HPSE2: variants seen among roughly 807,000 people sequenced by gnomAD.
HPSE2 encodes inactive heparanase-2.
A neutral mutation model predicts 60.5 loss-of-function variants in HPSE2; 38 were observed. The observed-to-expected ratio is 0.63, with a 90% CI of 0.48 to 0.82. The LOEUF is 0.82. HPSE2 is among the 40% of genes least tolerant of loss of function. HPSE2 has a pLI of 0.00. For missense variants in HPSE2, 713 were observed against 740.4 expected (o/e 0.96, Z 0.43); for synonymous variants, 295 against 293.2 (o/e 1.01, Z -0.06).
chr10:99,285,157 T>C, the HPSE2 span, among the ~76,000 whole-genome samples: 1 of 151,714 alleles, frequency 6.6e-6, no homozygotes, highest in African/African-American at 2.4e-5. Context: ...TGGGCTGAGG[T>C]AGTGGTTCAT....
intron 3 of HPSE2, among the ~76,000 whole-genome samples, chr10:98,762,924 A>C (rs115935362): frequency 0.014 from 2,109 of 152,304 alleles, 44 homozygotes; most frequent in African/African-American, 0.047. Flanking sequence ...AAGACTTGAA[A>C]GCAGCCAGTA....
intron 3 of HPSE2, among the ~76,000 whole-genome samples, chr10:99,045,922 G>A (rs1957844585): frequency 6.6e-6 from 1 of 152,096 alleles, no homozygotes; most frequent in African/African-American, 2.4e-5. Flanking sequence ...AGAAGAACTG[G>A]TAGCAATCCT....
intron 3 of HPSE2, among the ~76,000 whole-genome samples, chr10:99,129,938 A>G (rs1261590750): frequency 6.6e-6 from 1 of 152,096 alleles, no homozygotes; most frequent in Non-Finnish European, 1.5e-5. Context: ...TAGAAATGGG[A>G]TGGGAGATAT....
At chr10:99,244,880 C>T in the HPSE2 span, among the ~76,000 whole-genome samples, 1,609 of 151,774 alleles carry the variant, frequency 0.011, 10 homozygotes, top group Non-Finnish European at 0.018. Context: ...ACATCTAGAC[C>T]CCTAATTCTT....
intron 9 of HPSE2, among the ~76,000 whole-genome samples, chr10:98,597,532 G>A (rs1366253204): frequency 6.6e-6 from 1 of 151,718 alleles, no homozygotes; most frequent in African/African-American, 2.4e-5. Context: ...ATAGCCGGAT[G>A]TGGTGGCATG....
chr10:98,947,344 A>G (rs1026009245), intron 3 of HPSE2, among the ~76,000 whole-genome samples: 3 of 152,176 alleles, frequency 2.0e-5, no homozygotes, highest in Non-Finnish European at 2.9e-5. Flanking sequence ...TTAGAGAAAA[A>G]GCAAGGACAT....
chr10:99,188,094 C>T (rs770200798), intron 2 of HPSE2, among the ~76,000 whole-genome samples: 11 of 152,130 alleles, frequency 7.2e-5, no homozygotes, highest in Non-Finnish European at 2.9e-5. Context: ...TTGATACCCA[C>T]GATGGGTCCT....
At chr10:99,092,494 TCA>T (rs926072932) in intron 3 of HPSE2, among the ~76,000 whole-genome samples, 14 of 152,282 alleles carry the variant, frequency 9.2e-5, no homozygotes, top group African/African-American at 3.1e-4. Flanking sequence ...AATAGAAATT[TCA>T]CAGAGAAGAA....
intron 3 of HPSE2, among the ~76,000 whole-genome samples, chr10:98,956,426 T>G (rs113809213): frequency 6.6e-6 from 1 of 152,140 alleles, no homozygotes; most frequent in Non-Finnish European, 1.5e-5. Context: ...TAACAGTGGA[T>G]TAAGTAAGAT....
intron 3 of HPSE2, among the ~76,000 whole-genome samples, chr10:99,014,574 G>A (rs902340938): frequency 6.6e-6 from 1 of 152,168 alleles, no homozygotes; most frequent in Admixed American, 6.5e-5. Flanking sequence ...CCCACAAACA[G>A]TGTATAAGTG....
chr10:99,309,080 A>G, the HPSE2 span, among the ~76,000 whole-genome samples: 1 of 152,208 alleles, frequency 6.6e-6, no homozygotes, highest in Non-Finnish European at 1.5e-5. Context: ...CAGATACAAA[A>G]GACCACACAT....
At chr10:99,171,533 T>C (rs973490670) in intron 2 of HPSE2, among the ~76,000 whole-genome samples, 3 of 152,042 alleles carry the variant, frequency 2.0e-5, no homozygotes, top group African/African-American at 7.2e-5. Context: ...TATCCCAATA[T>C]CAAGAGGACC....
At chr10:98,695,894 G>A (rs1026710209) in intron 5 of HPSE2, among the ~76,000 whole-genome samples, 2 of 152,038 alleles carry the variant, frequency 1.3e-5, no homozygotes, top group African/African-American at 2.4e-5. Flanking sequence ...CTCCTGTCAC[G>A]TGCTATCCTG....
chr10:98,496,962 C>T (rs926552205), intron 9 of HPSE2, among the ~76,000 whole-genome samples: 1 of 151,402 alleles, frequency 6.6e-6, no homozygotes, highest in Non-Finnish European at 1.5e-5. Context: ...TTAGTAAGTC[C>T]TTCCTCATAT....
chr10:99,117,417 G>GAAAAAAAAAAAAAAAAAAAAA (rs1157232317), intron 3 of HPSE2, among the ~76,000 whole-genome samples: 5 of 24,816 alleles, frequency 2.0e-4, no homozygotes, highest in African/African-American at 2.6e-4. Flanking sequence ...TTGTTTTTTT[G>GAAAAAAAAAAAAAAAAAAAAA]AAAAAAAAAA....
chr10:98,672,786 C>T (rs1186663235), intron 6 of HPSE2, among the ~76,000 whole-genome samples: 2 of 152,122 alleles, frequency 1.3e-5, no homozygotes, highest in Non-Finnish European at 1.5e-5. Flanking sequence ...CTTGAAATCA[C>T]ACAGGTGCAT....
intron 5 of HPSE2, among the ~76,000 whole-genome samples, chr10:98,710,518 A>G (rs1162114568): frequency 6.6e-6 from 1 of 152,188 alleles, no homozygotes; most frequent in African/African-American, 2.4e-5. Flanking sequence ...TGACCAATCC[A>G]TCTTGTTGAT....
intron 3 of HPSE2, among the ~76,000 whole-genome samples, chr10:99,117,080 A>AGAAT (rs1327835829): frequency 1.3e-5 from 2 of 152,136 alleles, no homozygotes; most frequent in African/African-American, 4.8e-5. Flanking sequence ...TAAAAGCCAG[A>AGAAT]GAATACCTTT....
At chr10:98,792,829 T>C (rs956761870) in intron 3 of HPSE2, among the ~76,000 whole-genome samples, 1 of 152,114 alleles carries the variant, frequency 6.6e-6, no homozygotes, top group South Asian at 2.1e-4. Flanking sequence ...ACATTTAATA[T>C]GGGGTAAATA....
Sources: gnomAD v4.1 joint callset for allele counts (sites outside exome capture counted in the v4.1 genomes callset) on GRCh38, gnomAD v4.1.1 for gene constraint, MANE v1.5 for transcripts, NCBI Gene and HGNC (gene_info 2026-07-23, HGNC 2026-07-21) for gene names.